Variants in GPC6 observed in about 807,000 individuals in gnomAD.
The protein encoded by GPC6 is glypican 6.
GPC6 carries 14 observed loss-of-function variants against 55.2 expected under a neutral mutation model. The ratio of observed to expected loss-of-function variants is 0.25; its 90% confidence interval spans 0.17 to 0.40. GPC6 has a LOEUF of 0.40. GPC6 is among the 10% of genes least tolerant of loss of function. GPC6 has a pLI of 1.00. For missense variants in GPC6, 641 were observed against 708.5 expected (o/e 0.90, Z 1.08); for synonymous variants, 278 against 259.6 (o/e 1.07, Z -0.68).
At chr13:93,375,404 T>C (rs2139196556) in intron 1 of GPC6, among the ~76,000 whole-genome samples, 1 of 152,340 alleles carries the variant, frequency 6.6e-6, no homozygotes, top group South Asian at 2.1e-4. Context: ...ACCTCAGCTT[T>C]ACTTCACTAT....
intron 3 of GPC6, among the ~76,000 whole-genome samples, chr13:93,936,764 A>G (rs1054850507): frequency 1.3e-5 from 2 of 152,236 alleles, no homozygotes; most frequent in African/African-American, 4.8e-5. Context: ...AATCTCATTC[A>G]ATGCAAACCA....
chr13:93,993,286 T>A (rs1881392085), intron 3 of GPC6, among the ~76,000 whole-genome samples: 1 of 148,538 alleles, frequency 6.7e-6, no homozygotes, highest in Admixed American at 6.8e-5. Context: ...TCATGAGCAT[T>A]CTTTCTTTCT....
intron 1 of GPC6, among the ~76,000 whole-genome samples, chr13:93,270,765 G>C (rs1410465636): frequency 2.7e-5 from 4 of 148,970 alleles, no homozygotes; most frequent in Non-Finnish European, 1.5e-5. Context: ...CCCCCAGTGT[G>C]ATATGTAAAC....
intron 4 of GPC6, among the ~76,000 whole-genome samples, chr13:94,222,754 T>C (rs1365520825): frequency 2.0e-5 from 3 of 152,124 alleles, no homozygotes; most frequent in Non-Finnish European, 4.4e-5. Flanking sequence ...TTTCTAATAG[T>C]CCTTCATTTC....
chr13:94,304,758 G>C (rs753943710), intron 5 of GPC6, among the ~76,000 whole-genome samples: 1 of 152,192 alleles, frequency 6.6e-6, no homozygotes, highest in Non-Finnish European at 1.5e-5. Context: ...GAAAAGAACT[G>C]GCAGCTCAGT....
intron 3 of GPC6, among the ~76,000 whole-genome samples, chr13:93,989,443 G>A (rs1043305771): frequency 5.3e-5 from 8 of 152,266 alleles, no homozygotes; most frequent in African/African-American, 1.9e-4. Context: ...CGAATCTCAG[G>A]CATAGAACCT....
At chr13:93,566,791 A>G (rs1252956344) in intron 2 of GPC6, among the ~76,000 whole-genome samples, 1 of 151,846 alleles carries the variant, frequency 6.6e-6, no homozygotes, top group African/African-American at 2.4e-5. Context: ...TTCAACTCCC[A>G]GTTAGGAGTG....
At chr13:93,843,543 G>A (rs1888040382) in intron 3 of GPC6, among the ~76,000 whole-genome samples, 1 of 152,058 alleles carries the variant, frequency 6.6e-6, no homozygotes, top group African/African-American at 2.4e-5. Flanking sequence ...TTAAAAACTG[G>A]TGGACCTTGG....
At chr13:93,831,267 C>T (rs530248046) in intron 3 of GPC6, among the ~76,000 whole-genome samples, 16 of 152,354 alleles carry the variant, frequency 1.1e-4, no homozygotes, top group African/African-American at 3.8e-4. Flanking sequence ...GATAATTCTA[C>T]ATTCCACTAC....
chr13:93,543,130 A>T (rs1244154565), intron 1 of GPC6, among the ~76,000 whole-genome samples: 3 of 151,390 alleles, frequency 2.0e-5, no homozygotes, highest in Admixed American at 6.6e-5. Flanking sequence ...TTCCAGTTTT[A>T]GCCCATTCCA....
At chr13:93,358,266 C>G (rs1299508627) in intron 1 of GPC6, among the ~76,000 whole-genome samples, 5 of 151,948 alleles carry the variant, frequency 3.3e-5, no homozygotes. Context: ...ATTGCTTGAG[C>G]CTGGGAGATC....
rs540456041 is a variant in GPC6, at chr13:93,973,952, A to G, written c.712-53777A>G. Among the ~76,000 whole-genome samples the G allele has an allele frequency of 7.2e-5, 11 of 152,230 alleles. No homozygotes were observed. In the South Asian group the frequency reaches 2.3e-3, roughly 32 times the overall value. ...CAGACAGAGTAGTACGTTTCTTTCA[A>G]CTCAACTCTCCCTGAAACTTTTTAG... On this transcript the variant is annotated intron_variant, in intron 3 of 8. Coordinates refer to ENST00000377047, the MANE Select transcript of GPC6 (RefSeq NM_005708.5).
At chr13:94,049,533 C>G (rs1883861490) in intron 4 of GPC6, among the ~76,000 whole-genome samples, 1 of 152,086 alleles carries the variant, frequency 6.6e-6, no homozygotes, top group Non-Finnish European at 1.5e-5. Flanking sequence ...CACTGTTCCT[C>G]AAACCCTCCA....
intron 5 of GPC6, among the ~76,000 whole-genome samples, chr13:94,289,985 A>G (rs1381545093): frequency 6.6e-6 from 1 of 152,202 alleles, no homozygotes; most frequent in African/African-American, 2.4e-5. Context: ...TTATGATAAA[A>G]CAAACAGGAT....
chr13:93,502,952 T>C (rs373238054), intron 1 of GPC6, among the ~76,000 whole-genome samples: 1 of 152,148 alleles, frequency 6.6e-6, no homozygotes, highest in Admixed American at 6.5e-5. Flanking sequence ...AAAATAATTA[T>C]GAAAAAAGTT....
At chr13:93,525,567 C>G (rs1881613410) in intron 1 of GPC6, among the ~76,000 whole-genome samples, 1 of 152,036 alleles carries the variant, frequency 6.6e-6, no homozygotes, top group South Asian at 2.1e-4. Context: ...TAAAGTACAA[C>G]AGGATAGACT....
intron 1 of GPC6, among the ~76,000 whole-genome samples, chr13:93,532,139 T>G (rs1881892613): frequency 1.3e-5 from 2 of 152,226 alleles, no homozygotes; most frequent in Admixed American, 1.3e-4. Flanking sequence ...ATTTTGTACT[T>G]TGCATAATAG....
chr13:93,849,772 A>G (rs1441075038), intron 3 of GPC6, among the ~76,000 whole-genome samples: 2 of 152,076 alleles, frequency 1.3e-5, no homozygotes, highest in Non-Finnish European at 2.9e-5. Context: ...GTATACCAGT[A>G]GTTTCATAGT....
chr13:93,296,885 A>G (rs769127647), intron 1 of GPC6, among the ~76,000 whole-genome samples: 1 of 152,168 alleles, frequency 6.6e-6, no homozygotes, highest in Non-Finnish European at 1.5e-5. Context: ...AGCCATCCAA[A>G]GTTATGAGGA....
Sources: allele counts gnomAD v4.1 joint callset (sites outside exome capture counted in the v4.1 genomes callset), GRCh38; gene constraint gnomAD v4.1.1; transcripts MANE v1.5; gene names NCBI Gene and HGNC (gene_info 2026-07-23, HGNC 2026-07-21).